PTPRS: variants seen among roughly 807,000 people sequenced by gnomAD.
PTPRS encodes receptor-type tyrosine-protein phosphatase S.
PTPRS carries 63 observed loss-of-function variants against 215.3 expected under a neutral mutation model. That is an observed-to-expected ratio of 0.29 (90% confidence interval 0.24 to 0.36). The LOEUF (loss-of-function observed/expected upper bound fraction) is 0.36, where lower values mean the gene tolerates loss of function less well. PTPRS is among the 10% of genes least tolerant of loss of function. PTPRS has a pLI of 1.00. For synonymous variants in PTPRS, 1,404 were observed against 1,191.4 expected, an observed-to-expected ratio of 1.18 and a Z score of -3.68; for missense variants, 2,258 against 2,825.8, an observed-to-expected ratio of 0.80 and a Z score of 4.56.
intron 16 of PTPRS, 36 bp from the exon 17 acceptor site, chr19:5,225,880 G>A (rs780411127): frequency 8.9e-6 from 14 of 1,571,804 alleles, no homozygotes; most frequent in African/African-American, 2.7e-5. Context: ...CGACGGCTGG[G>A]GCTGGGAGCA....
At chr19:5,323,921 A>C (rs1321893997) in intron 1 of PTPRS, among the ~76,000 whole-genome samples, 1 of 152,140 alleles carries the variant, frequency 6.6e-6, no homozygotes, top group African/African-American at 2.4e-5. Flanking sequence ...GTGGAGGCAG[A>C]GGATAGAACA....
intron 1 of PTPRS, among the ~76,000 whole-genome samples, chr19:5,325,926 T>A (rs1399425749): frequency 1.3e-5 from 2 of 152,286 alleles, no homozygotes; most frequent in African/African-American, 4.8e-5. Flanking sequence ...CCCAAACAGT[T>A]GTAGTCACAT....
At chr19:5,300,133 T>C (rs2049256687) in intron 1 of PTPRS, among the ~76,000 whole-genome samples, 2 of 149,118 alleles carry the variant, frequency 1.3e-5, no homozygotes, top group African/African-American at 5.0e-5. Flanking sequence ...CTTAGCTACA[T>C]GGGAGGCTGA....
intron 2 of PTPRS, among the ~76,000 whole-genome samples, chr19:5,283,050 G>A (rs567902862): frequency 3.3e-5 from 5 of 152,306 alleles, no homozygotes; most frequent in African/African-American, 9.6e-5. Flanking sequence ...TGGAGGCAAC[G>A]CGCCTGAGCC....
intron 1 of PTPRS, among the ~76,000 whole-genome samples, chr19:5,333,025 T>A (rs58185229): frequency 2.9e-4 from 44 of 151,856 alleles, no homozygotes; most frequent in African/African-American, 1.0e-3. Flanking sequence ...GGCGGGTGCC[T>A]GTAATCCCAG....
chr19:5,286,286 C>G, intron 1 of PTPRS, 52 bp from the exon 2 acceptor site: 1 of 853,148 alleles, frequency 1.2e-6, no homozygotes, highest in Non-Finnish European at 1.9e-6. Flanking sequence ...TCCAGGAGAC[C>G]TTCATGGAGG....
chr19:5,305,142 G>A (rs904688047), intron 1 of PTPRS, among the ~76,000 whole-genome samples: 7 of 152,220 alleles, frequency 4.6e-5, no homozygotes, highest in African/African-American at 1.4e-4. Context: ...CTTAGCAGGA[G>A]CAAAACACTC....
intron 1 of PTPRS, among the ~76,000 whole-genome samples, chr19:5,303,824 G>A (rs1459072590): frequency 2.6e-5 from 4 of 151,652 alleles, no homozygotes; most frequent in Admixed American, 6.6e-5. Flanking sequence ...GGTGGTATGC[G>A]CCTGTAATCC....
rs765311782 is a variant in PTPRS at position 5,215,608 on chromosome 19, G to A, written c.4097-13C>T. 1.3e-5 allele frequency: 20 copies of A among 1,582,846 alleles called. No homozygotes were observed. Among genetic ancestry groups the A allele is most frequent in the South Asian group, 6.9e-5 (6 of 87,076 alleles). ...TGGCTAAGCATGCCTACAGGGTGGA[G>A]CAGACCCCGCCGGGGTTGGTCACTT... On this transcript the variant is annotated splice_polypyrimidine_tract_variant and intron_variant, in intron 26 of 37. Coordinates refer to ENST00000262963, the MANE Select transcript of PTPRS (RefSeq NM_002850.4).
At chr19:5,289,892 G>A (rs2048669014) in intron 1 of PTPRS, among the ~76,000 whole-genome samples, 1 of 152,188 alleles carries the variant, frequency 6.6e-6, no homozygotes, top group African/African-American at 2.4e-5. Flanking sequence ...CCCTGGGCAG[G>A]GAGGGAAATG....
intron 14 of PTPRS, among the ~76,000 whole-genome samples, 168 bp from the exon 15 acceptor site, chr19:5,229,852 C>T (rs139007390): frequency 6.6e-6 from 1 of 151,732 alleles, no homozygotes; most frequent in Non-Finnish European, 1.5e-5. Flanking sequence ...CTCCTGCACA[C>T]CCCCCACAGC....
rs942430078 is a variant in PTPRS, at chr19:5,338,643, CAAAG to C, written c.-95+2017_-95+2020del. On this transcript the variant is annotated intron_variant, in intron 1 of 37. Coordinates refer to ENST00000262963, the MANE Select transcript of PTPRS (RefSeq NM_002850.4). The surrounding 1 kb of genome is among the most constrained non-coding windows in gnomAD (Gnocchi z 4.2). Reference sequence around the variant, plus strand: ...CTTCCACCGCCAAAATATCAGCTGGCAAAGAAAGAAGAGCAGAGGGACAGAAGGC... The same window carrying C: ...CTTCCACCGCCAAAATATCAGCTGGCAAAGAAGAGCAGAGGGACAGAAGGC... Among the ~76,000 whole-genome samples, 15 of 148,448 alleles carry C rather than the reference CAAAG, an allele frequency of 1.0e-4. No individual in the cohort carries two copies. The highest frequency in any genetic ancestry group is 6.8e-5 in the Admixed American group (1 of 14,656).
At chr19:5,213,958 C>T (rs1470893837) in intron 30 of PTPRS, among the ~76,000 whole-genome samples, 3 of 152,220 alleles carry the variant, frequency 2.0e-5, no homozygotes, top group African/African-American at 7.2e-5. Context: ...CCTGACTTTG[C>T]AGGGCTGCCA....
At chr19:5,222,358 C>A in intron 18 of PTPRS, 138 bp from the exon 19 acceptor site, 1 of 748,652 alleles carries the variant, frequency 1.3e-6, no homozygotes, top group East Asian at 2.7e-5. Flanking sequence ...CCACGGCCTT[C>A]CTGCCTGGCC....
intron 6 of PTPRS, 84 bp downstream of exon 6, chr19:5,262,880 T>C: frequency 1.4e-6 from 2 of 1,390,422 alleles, no homozygotes; most frequent in South Asian, 1.2e-5. Flanking sequence ...CGGTGGCTGT[T>C]AGTTTGGTGA....
intron 1 of PTPRS, among the ~76,000 whole-genome samples, chr19:5,300,767 CA>C (rs59799136): frequency 0.43 from 41,490 of 97,200 alleles, 5,599 homozygotes; most frequent in Middle Eastern, 0.55. Context: ...GACTCCGTCT[CA>C]AAAAAAAAAA....
chr19:5,327,217 C>A (rs375962378), intron 1 of PTPRS, among the ~76,000 whole-genome samples: 8 of 152,328 alleles, frequency 5.3e-5, no homozygotes, highest in African/African-American at 1.7e-4. Flanking sequence ...CACAGCGACT[C>A]CCCAGCGCCC....
At chr19:5,309,593 T>C (rs1175014421) in intron 1 of PTPRS, among the ~76,000 whole-genome samples, 1 of 152,126 alleles carries the variant, frequency 6.6e-6, no homozygotes, top group African/African-American at 2.4e-5. Context: ...GCAGGCGTCC[T>C]GCTAATGGGG....
At chr19:5,310,144 T>C in intron 1 of PTPRS, among the ~76,000 whole-genome samples, 1 of 152,150 alleles carries the variant, frequency 6.6e-6, no homozygotes. Flanking sequence ...TCAGGGCCTT[T>C]GCACGGGCTG....
Sources: gnomAD v4.1 joint callset for allele counts (sites outside exome capture counted in the v4.1 genomes callset) on GRCh38, gnomAD v4.1.1 for gene constraint, Gnocchi (gnomAD v3.1) non-coding constraint, MANE v1.5 for transcripts, NCBI Gene and HGNC (gene_info 2026-07-23, HGNC 2026-07-21) for gene names.